Variants in SOX6 observed in about 807,000 individuals in gnomAD.
SOX6 encodes SRY-box transcription factor 6, also known as transcription factor SOX-6.
Under a neutral mutation model 97.8 loss-of-function variants are expected in SOX6, and 11 were observed. The ratio of observed to expected loss-of-function variants is 0.11; its 90% CI spans 0.07 to 0.19. The LOEUF is 0.19. Ranked by LOEUF, SOX6 falls within the 10% of genes least tolerant of loss-of-function variation. The probability of loss-of-function intolerance (pLI) is 1.00; values close to 1 mark genes in which losing one functional copy is unlikely to be tolerated. For missense variants in SOX6, 810 were observed against 1,039.5 expected (o/e 0.78, Z 3.04); for synonymous variants, 360 against 371.4 (o/e 0.97, Z 0.35).
intron 4 of SOX6, among the ~76,000 whole-genome samples, chr11:16,224,790 A>C (rs1852635791): frequency 6.6e-6 from 1 of 152,096 alleles, no homozygotes; most frequent in African/African-American, 2.4e-5. Flanking sequence ...CAATCAAGAG[A>C]CTATGTAAAA....
intron 9 of SOX6, among the ~76,000 whole-genome samples, chr11:16,067,042 C>T (rs1228667313): frequency 6.6e-6 from 1 of 152,122 alleles, no homozygotes; most frequent in Non-Finnish European, 1.5e-5. Flanking sequence ...TTACCCAATG[C>T]CTGTTACTCC....
At chr11:16,018,410 G>A (rs533136682) in intron 12 of SOX6, among the ~76,000 whole-genome samples, 145 of 152,128 alleles carry the variant, frequency 9.5e-4, no homozygotes, top group Non-Finnish European at 1.9e-3. Context: ...GAGAGAGAAT[G>A]AATTTGGGGT....
intron 3 of SOX6, among the ~76,000 whole-genome samples, chr11:16,285,618 C>T (rs963976727): frequency 6.6e-6 from 1 of 152,056 alleles, no homozygotes; most frequent in African/African-American, 2.4e-5. Context: ...ATGCCAGTGA[C>T]TGTCACTGTG....
At chr11:16,555,687 A>C (rs1012393711) in intron 4 of SOX6, among the ~76,000 whole-genome samples, 2 of 151,746 alleles carry the variant, frequency 1.3e-5, no homozygotes, top group Non-Finnish European at 1.5e-5. Flanking sequence ...AGTCTTGGAC[A>C]CATAAACATT....
intron 3 of SOX6, among the ~76,000 whole-genome samples, chr11:16,271,289 T>G (rs1309553006): frequency 1.3e-5 from 2 of 151,460 alleles, no homozygotes. Context: ...TTTTATTTAG[T>G]ATTTTTCCAT....
chr11:16,298,090 C>T (rs1042261969), intron 3 of SOX6, among the ~76,000 whole-genome samples: 1 of 152,212 alleles, frequency 6.6e-6, no homozygotes, highest in African/African-American at 2.4e-5. Flanking sequence ...GATGCAAACC[C>T]TTTGCGTCTT....
intron 9 of SOX6, among the ~76,000 whole-genome samples, chr11:16,069,010 C>T (rs796674403): frequency 4.6e-5 from 7 of 152,262 alleles, no homozygotes; most frequent in African/African-American, 1.7e-4. Flanking sequence ...CATATCCATT[C>T]TTGCCTCTAT....
intron 13 of SOX6, among the ~76,000 whole-genome samples, chr11:16,011,354 C>T (rs1474432457): frequency 6.6e-6 from 1 of 152,050 alleles, no homozygotes; most frequent in Non-Finnish European, 1.5e-5. Context: ...TTTCCTAAGT[C>T]CCCGGCACCA....
chr11:16,726,780 C>T (rs1449145725), intron 2 of SOX6, among the ~76,000 whole-genome samples: 2 of 152,150 alleles, frequency 1.3e-5, no homozygotes, highest in Admixed American at 6.5e-5. Context: ...AAAATATAAC[C>T]ATTGAAAACA....
chr11:16,660,451 G>A (rs920813568), intron 3 of SOX6, among the ~76,000 whole-genome samples: 1 of 152,156 alleles, frequency 6.6e-6, no homozygotes, highest in Non-Finnish European at 1.5e-5. Context: ...TGTGGTCTGA[G>A]AGCATGTTTC....
chr11:16,545,310 G>C, intron 4 of SOX6, among the ~76,000 whole-genome samples: 1 of 145,784 alleles, frequency 6.9e-6, no homozygotes, highest in East Asian at 2.0e-4. Context: ...TAAACCCATG[G>C]ATCCAAAAAC....
At chr11:16,315,028 C>T (rs1855719145) in intron 3 of SOX6, 1 of 152,326 alleles carries the variant, frequency 6.6e-6, no homozygotes, top group African/African-American at 2.4e-5. Context: ...GCCTCTGCCT[C>T]CCGGGTTCAA....
chr11:16,730,893 CA>C (rs1848344722), intron 2 of SOX6, among the ~76,000 whole-genome samples: 1 of 151,962 alleles, frequency 6.6e-6, no homozygotes, highest in African/African-American at 2.4e-5. Context: ...CGAATAGACA[CA>C]ATAAAAAATG....
intron 12 of SOX6, among the ~76,000 whole-genome samples, chr11:16,022,262 T>G (rs1360688508): frequency 6.6e-6 from 1 of 152,104 alleles, no homozygotes; most frequent in Non-Finnish European, 1.5e-5. Context: ...ATATCCTTTC[T>G]CCTGTATCAA....
intron 9 of SOX6, among the ~76,000 whole-genome samples, chr11:16,068,853 T>C (rs1334199173): frequency 6.6e-6 from 1 of 152,220 alleles, no homozygotes; most frequent in East Asian, 1.9e-4. Flanking sequence ...ATGGAATTTC[T>C]TTTTTCTTCC....
intron 13 of SOX6, among the ~76,000 whole-genome samples, chr11:16,004,389 A>G (rs1854491772): frequency 6.6e-6 from 1 of 152,116 alleles, no homozygotes; most frequent in African/African-American, 2.4e-5. Context: ...TTAGCTTTTA[A>G]AACTCCTAAC....
chr11:16,577,273 G>A (rs938010022), intron 4 of SOX6: 13 of 152,092 alleles, frequency 8.5e-5, no homozygotes, highest in African/African-American at 2.7e-4. Flanking sequence ...AAAGGGCATG[G>A]CTAGAGAAAT....
chr11:16,230,987 G>A (rs2134170919), intron 4 of SOX6, among the ~76,000 whole-genome samples: 1 of 151,756 alleles, frequency 6.6e-6, no homozygotes, highest in Middle Eastern at 3.5e-3. Context: ...TTAACTGCTT[G>A]AGAATAAAAT....
rs137941012 is a variant in SOX6 at position 16,662,697 on chromosome 11, A to C, written n.430-50437T>G. Among the ~76,000 whole-genome samples, 613 of 152,324 alleles carry C rather than the reference A, an allele frequency of 4.0e-3. 3 individuals are homozygous for C. The highest frequency in any genetic ancestry group is 5.5e-3 in the Admixed American group (84 of 15,298). ...AATTCAAAAGAAATTAATTTTAAAA[A>C]ACTTTTTTTCTTTTCAGACAGGGTC... On this transcript the variant is annotated intron_variant and non_coding_transcript_variant, in intron 3 of 5. Transcript: ENST00000524520.
Sources: gnomAD v4.1 joint callset for allele counts (sites outside exome capture counted in the v4.1 genomes callset) on GRCh38, gnomAD v4.1.1 for gene constraint, MANE v1.5 for transcripts, NCBI Gene and HGNC (gene_info 2026-07-23, HGNC 2026-07-21) for gene names.